PDP1: variants seen among roughly 807,000 people sequenced by gnomAD.
PDP1 encodes the protein pyruvate dehyrogenase phosphatase catalytic subunit 1.
PDP1 carries 14 observed loss-of-function variants against 37.1 expected under a neutral mutation model. That is an observed-to-expected ratio of 0.38 (90% CI 0.25 to 0.59). The LOEUF is 0.59. Among genes scored for constraint, PDP1 ranks in the 20% least tolerant of loss-of-function variants. The pLI is 0.67. For missense variants in PDP1, 544 were observed against 655.3 expected (o/e 0.83, Z 1.85); for synonymous variants, 251 against 243.3 (o/e 1.03, Z -0.29).
chr8:93,918,014 G>A, intron 1 of PDP1: 1 of 1,549,724 alleles, frequency 6.5e-7, no homozygotes, highest in Non-Finnish European at 8.9e-7. Flanking sequence ...GTGTATGGAT[G>A]GTTTTAGATG....
At chr8:93,921,285 G>A in intron 1 of PDP1, 1 of 985,164 alleles carries the variant, frequency 1.0e-6, no homozygotes, top group Non-Finnish European at 1.2e-6. Context: ...TTGGGAGTTG[G>A]TGGCAGACCT....
chr8:93,918,205 A>G (rs990049073), intron 1 of PDP1, among the ~76,000 whole-genome samples: 3 of 152,224 alleles, frequency 2.0e-5, no homozygotes, highest in African/African-American at 7.2e-5. Flanking sequence ...AGATAGCAGG[A>G]GCTGTGAAAT....
Position 93,923,375 on chromosome 8 carries a change from G to T in PDP1, c.1316G>T (p.Gly439Val), listed in dbSNP as rs745323862. The T allele has an allele frequency of 6.2e-7, 1 of 1,612,244 alleles. No individual in the cohort carries two copies. The highest frequency in any genetic ancestry group is 8.5e-7 in the Non-Finnish European group (1 of 1,178,544). ...VVRIVGEYLT[G>V]MHHQQPIAVG... Reference sequence around the variant, plus strand: ...AGGATTGTGGGTGAGTACCTAACTGGCATGCATCACCAACAGCCAATAGCT... The same window carrying T: ...AGGATTGTGGGTGAGTACCTAACTGTCATGCATCACCAACAGCCAATAGCT... Residue 439 changes from glycine to valine, a missense_variant, in exon 2 of 2, where the codon GGC (glycine) becomes GTC (valine). Gly to Val is a moderately radical substitution (Grantham distance 109). This residue lies in a region of PDP1 where 159 missense variants were observed against 165.5 expected (regional missense o/e 0.96). Transcript: ENST00000297598. This position sits in a 1 kb window ranked among gnomAD's most constrained non-coding sequence, Gnocchi z 4.3.
intron 1 of PDP1, among the ~76,000 whole-genome samples, chr8:93,917,483 C>T (rs1810107355): frequency 1.3e-5 from 2 of 151,546 alleles, no homozygotes; most frequent in African/African-American, 2.4e-5. Flanking sequence ...GGCCCCTGTT[C>T]GTCTGGACTG....
intron 1 of PDP1, chr8:93,917,280 T>TGGGGGC (rs1192017859): frequency 2.1e-3 from 9 of 4,300 alleles, no homozygotes; most frequent in South Asian, 0.014. Context: ...GTCGGGGGGC[T>TGGGGGC]GGGGGCGGGG....
At chr8:93,919,910 G>C (rs1225894549) in intron 1 of PDP1, 1 of 152,204 alleles carries the variant, frequency 6.6e-6, no homozygotes, top group Non-Finnish European at 1.5e-5. Context: ...GCTCAGTCAT[G>C]TACACTTAAC....
In PDP1 at chr8:93,923,675, G is replaced by T; in HGVS notation, c.*2G>T. 1 of 1,608,274 alleles carries T rather than the reference G, an allele frequency of 6.2e-7. No homozygotes were observed. Among genetic ancestry groups the T allele is most frequent in the South Asian group, 1.1e-5 (1 of 90,862 alleles). ...GGGGCGTATCAAAACCAAGAATAGT[G>T]AGTGGCTCTTTCACTGGCAATTCTC... On this transcript the variant is annotated 3_prime_UTR_variant, in exon 2 of 2. Coordinates refer to ENST00000297598, the MANE Select transcript of PDP1 (RefSeq NM_018444.4). This position sits in a 1 kb window ranked among gnomAD's most constrained non-coding sequence, Gnocchi z 4.3.
chr8:93,917,760 G>C, intron 1 of PDP1: 1 of 1,542,276 alleles, frequency 6.5e-7, no homozygotes, highest in Non-Finnish European at 8.8e-7. Context: ...CACCGGGCTG[G>C]AGCGAGACCT....
At chr8:93,921,292 A>G in intron 1 of PDP1, 1 of 985,254 alleles carries the variant, frequency 1.0e-6, no homozygotes, top group Non-Finnish European at 1.2e-6. Context: ...TTGGTGGCAG[A>G]CCTATGCCCG....
In PDP1 at chr8:93,922,740, G is replaced by A. The variant is rs369055053; in HGVS notation, c.681G>A (p.Ser227=). 126 of 1,614,008 alleles carry A rather than the reference G, an allele frequency of 7.8e-5. No homozygotes were observed. The highest frequency in any genetic ancestry group is 2.0e-4 in the Admixed American group (12 of 60,008). ...TTATAGACCTCAACACTGGTGAGTC[G>A]ACTGATATTGATGTTAAGGAGGCTC... is the stretch of plus-strand genomic sequence containing the variant. ...QELIDLNTGE[S]TDIDVKEALI... The change falls in exon 2 of 2, where the codon TCG becomes TCA. Residue 227 remains serine (S), a synonymous_variant. Transcript: ENST00000297598. This position sits in a 1 kb window ranked among gnomAD's most constrained non-coding sequence, Gnocchi z 4.0.
At chr8:93,921,742 T>C (rs530837794) in intron 1 of PDP1, 1 of 354,180 alleles carries the variant, frequency 2.8e-6, no homozygotes, top group Admixed American at 4.4e-5. Flanking sequence ...GCACAGTTTG[T>C]ACTGCACAAA....
At position 93,923,485 on chromosome 8, in the gene PDP1, CAGAACGCA is replaced by C; in HGVS notation, c.1427_1434del (p.Gln476ArgfsTer18). 2 of 1,603,544 alleles carry C rather than the reference CAGAACGCA, an allele frequency of 1.2e-6. No individual in the cohort carries two copies. The highest frequency in any genetic ancestry group is 1.7e-6 in the Non-Finnish European group (2 of 1,171,904). ...CAAAATGTCCTCGGTATTTGAGGAT[CAGAACGCA>C]GCAACCCATCTCATTCGCCACGCTG... On this transcript the variant is annotated frameshift_variant, in exon 2 of 2. Coordinates refer to ENST00000297598, the MANE Select transcript of PDP1 (RefSeq NM_018444.4). LOFTEE classifies it high-confidence loss of function. The surrounding 1 kb of genome is among the most constrained non-coding windows in gnomAD (Gnocchi z 4.3).
intron 1 of PDP1, chr8:93,921,029 T>G: frequency 2.0e-6 from 2 of 984,960 alleles, no homozygotes; most frequent in Non-Finnish European, 2.4e-6. Flanking sequence ...CTGAAACCAT[T>G]TATGTTACTA....
intron 1 of PDP1, 55 bp downstream of exon 1, chr8:93,917,134 T>A (rs1237473310): frequency 2.3e-6 from 1 of 443,328 alleles, no homozygotes. Flanking sequence ...CCTCCACCCG[T>A]CCAAAGTTGT....
chr8:93,920,429 A>G (rs1810233213), intron 1 of PDP1: 1 of 474,910 alleles, frequency 2.1e-6, no homozygotes, highest in African/African-American at 2.1e-5. Flanking sequence ...TTGTTTATTT[A>G]AAGTATTTCC....
chr8:93,923,962 A>T lies in PDP1; in HGVS notation c.*289A>T. ...CTTTTACCAACCTGAGAAAATTAGG[A>T]TGACCTGGCAAATAAGATCTTGAAT... is the stretch of plus-strand genomic sequence containing the variant. On this transcript the variant is annotated 3_prime_UTR_variant, in exon 2 of 2. Coordinates refer to ENST00000297598, the MANE Select transcript of PDP1 (RefSeq NM_018444.4). This position sits in a 1 kb window ranked among gnomAD's most constrained non-coding sequence, Gnocchi z 4.3. 2.5e-6 allele frequency: 1 copy of T among 402,072 alleles called. No homozygotes were observed. The highest frequency in any genetic ancestry group is 2.3e-5 in the South Asian group (1 of 44,158). 24.9% of individuals were successfully genotyped at this position (402,072 alleles called of 1,614,324 possible).
rs1386344877 is a variant in PDP1 at position 93,925,749 on chromosome 8, A to G, written c.*2076A>G. 1 of 166,830 alleles carries G rather than the reference A, an allele frequency of 6.0e-6. No homozygotes were observed. Among genetic ancestry groups the G allele is most frequent in the Non-Finnish European group, 1.5e-5 (1 of 68,122 alleles). The allele number at this position is 166,830 out of a possible 1,614,324, so 10.3% of individuals were successfully genotyped here. On this transcript the variant is annotated 3_prime_UTR_variant, in exon 2 of 2. Transcript: ENST00000297598. ...TAAAAGCAATTGTGATTTTATTGTA[A>G]TTGGTTGTCACTGTTGTACGGTGTC...
rs531689009 is a variant in PDP1, at chr8:93,923,974, A to G, written c.*301A>G. The G allele has an allele frequency of 3.3e-5, 13 of 390,950 alleles. No homozygotes were observed. The highest frequency in any genetic ancestry group is 2.5e-4 in the South Asian group (11 of 44,050). 24.2% of individuals were successfully genotyped at this position (390,950 alleles called of 1,614,324 possible). ...TGAGAAAATTAGGATGACCTGGCAA[A>G]TAAGATCTTGAATAGGCCAAAAGCA... is the stretch of plus-strand genomic sequence containing the variant. On this transcript the variant is annotated 3_prime_UTR_variant, in exon 2 of 2. Coordinates refer to ENST00000297598, the MANE Select transcript of PDP1 (RefSeq NM_018444.4). The surrounding 1 kb of genome is among the most constrained non-coding windows in gnomAD (Gnocchi z 4.3).
Position 93,922,588 on chromosome 8 carries a change from GAA to G in PDP1, c.532_533del (p.Asn178CysfsTer20). On this transcript the variant is annotated frameshift_variant, in exon 2 of 2. Coordinates refer to ENST00000297598, the MANE Select transcript of PDP1 (RefSeq NM_018444.4). LOFTEE classifies it high-confidence loss of function. This position sits in a 1 kb window ranked among gnomAD's most constrained non-coding sequence, Gnocchi z 4.0. ...LLPHETLLEI[E>X]NAVESGRALL... ...ACCCCATGAGACTTTGCTAGAGATTGAAAATGCAGTGGAGAGCGGCCGGGCAC... is the reference window on the plus strand; with the variant it reads ...ACCCCATGAGACTTTGCTAGAGATTGAATGCAGTGGAGAGCGGCCGGGCAC... 1 of 1,614,096 alleles carries G rather than the reference GAA, an allele frequency of 6.2e-7. No homozygotes were observed. Among genetic ancestry groups the G allele is most frequent in the Non-Finnish European group, 8.5e-7 (1 of 1,180,024 alleles).
Sources: gnomAD v4.1 joint callset for allele counts (sites outside exome capture counted in the v4.1 genomes callset) on GRCh38, gnomAD v4.1.1 for gene constraint, gnomAD v4.1.1 regional missense constraint, Gnocchi (gnomAD v3.1) non-coding constraint, MANE v1.5 for transcripts, NCBI Gene and HGNC (gene_info 2026-07-23, HGNC 2026-07-21) for gene names.